Variants in SLC2A7 observed in about 807,000 individuals in gnomAD.
SLC2A7 encodes solute carrier family 2, facilitated glucose transporter member 7.
Under a neutral mutation model 50.5 loss-of-function variants are expected in SLC2A7, and 50 were observed. The ratio of observed to expected loss-of-function variants is 0.99; its 90% CI spans 0.79 to 1.25. The LOEUF (loss-of-function observed/expected upper bound fraction) is 1.25, where lower values mean the gene tolerates loss of function less well. Ranked by LOEUF, SLC2A7 falls within the 50% of genes most tolerant of loss-of-function variation. SLC2A7 has a pLI of 0.00. For missense variants in SLC2A7, 683 were observed against 679.1 expected (o/e 1.01, Z -0.06); for synonymous variants, 308 against 300.4 (o/e 1.03, Z -0.26).
chr1:9,025,702 C>A (rs1640988869), intron 1 of SLC2A7, among the ~76,000 whole-genome samples: 1 of 152,214 alleles, frequency 6.6e-6, no homozygotes, highest in African/African-American at 2.4e-5. Flanking sequence ...CGGCAGTCGC[C>A]TGTGCTCAGG....
chr1:8,992,812 T>C, the SLC2A7 span, among the ~76,000 whole-genome samples: 1 of 152,102 alleles, frequency 6.6e-6, no homozygotes, highest in African/African-American at 2.4e-5. Flanking sequence ...TGCCCTCAGG[T>C]GACCAATCCC....
intron 3 of SLC2A7, 150 bp from the exon 4 acceptor site, chr1:9,019,483 G>T: frequency 8.4e-7 from 1 of 1,187,000 alleles, no homozygotes; most frequent in South Asian, 1.6e-5. Flanking sequence ...ACTGAATGGT[G>T]TCCCCCAAAT....
At position 9,022,930 on chromosome 1, in the gene SLC2A7, T is replaced by A. The variant is rs199633115; in HGVS notation, c.299A>T (p.Asp100Val). The A allele has an allele frequency of 4.1e-5, 66 of 1,614,000 alleles. No homozygotes were observed. Among genetic ancestry groups the A allele is most frequent in the Non-Finnish European group, 5.2e-5 (61 of 1,179,966 alleles). Reference protein sequence around the residue: ...LGSLLVGLLVDSCGRKGTLLI... With the variant: ...LGSLLVGLLVVSCGRKGTLLI... ...ACCTTCTGTTTACCTGCCGCAGCTA[T>A]CAACCAGCAGGCCCACGAGCAATGA... The change falls in exon 3 of 12, where the codon GAT becomes GTT. Residue 100 changes from aspartate (D) to valine (V), a missense_variant. Asp to Val is a radical substitution (Grantham distance 152). Coordinates refer to ENST00000400906, the MANE Select transcript of SLC2A7 (RefSeq NM_207420.3).
At chr1:9,002,442 T>C (rs143511830), downstream of SLC2A7, among the ~76,000 whole-genome samples, 579 of 152,332 alleles carry the variant, frequency 3.8e-3, 6 homozygotes, top group African/African-American at 0.013. Flanking sequence ...TGCTCTTTAC[T>C]ACACTGAGAT....
chr1:9,011,996 C>T (rs541414375), intron 8 of SLC2A7, among the ~76,000 whole-genome samples: 6 of 152,094 alleles, frequency 3.9e-5, no homozygotes, highest in South Asian at 4.2e-4. Context: ...GTGATCCGCC[C>T]GCCTCAACCT....
chr1:9,019,992 C>A (rs1279181301), intron 3 of SLC2A7, among the ~76,000 whole-genome samples: 2 of 152,202 alleles, frequency 1.3e-5, no homozygotes, highest in Non-Finnish European at 2.9e-5. Context: ...AGAAAGAAGG[C>A]CCTCACCAGG....
chr1:9,009,527 G>A (rs1034820106), intron 9 of SLC2A7, among the ~76,000 whole-genome samples: 1 of 152,176 alleles, frequency 6.6e-6, no homozygotes. Flanking sequence ...TGCGATCATG[G>A]CTCACTGCAG....
Position 9,003,547 on chromosome 1 carries a change from G to C in SLC2A7, c.1321-29C>G, listed in dbSNP as rs749132381. On this transcript the variant is annotated intron_variant, in intron 11 of 11. Coordinates refer to ENST00000400906, the MANE Select transcript of SLC2A7 (RefSeq NM_207420.3). Reference sequence around the variant, plus strand: ...GACCAGGAGACGAGAAAGACAGGAGGGGGCAGAGAAAGGCAACAGTGCTGA... The same window carrying C: ...GACCAGGAGACGAGAAAGACAGGAGCGGGCAGAGAAAGGCAACAGTGCTGA... 6.3e-6 allele frequency: 10 copies of C among 1,599,972 alleles called. No individual in the cohort carries two copies. The African/African-American group carries it at 1.1e-4, about 17-fold the overall frequency.
Position 9,004,854 on chromosome 1 carries a change from G to C in SLC2A7, c.1218C>G (p.Thr406=), listed in dbSNP as rs139989195. ...GPSPVPSVVR[T]EIFLQSSRRA... The stretch of plus-strand genomic sequence containing the variant: ...GCCGGGAGGACTGCAGGAAGATCTC[G>C]GTCCTCACCACCGAGGGGACAGGAC... Residue 406 remains threonine, a synonymous_variant, in exon 11 of 12, where the codon ACC becomes ACG. Coordinates refer to ENST00000400906, the MANE Select transcript of SLC2A7 (RefSeq NM_207420.3). 3.7e-6 allele frequency: 6 copies of C among 1,613,808 alleles called. No homozygotes were observed. The highest frequency in any genetic ancestry group is 5.1e-6 in the Non-Finnish European group (6 of 1,179,914).
intron 1 of SLC2A7, among the ~76,000 whole-genome samples, 183 bp from the exon 2 acceptor site, chr1:9,025,257 C>T (rs1004687360): frequency 2.6e-5 from 4 of 152,156 alleles, no homozygotes; most frequent in African/African-American, 9.7e-5. Flanking sequence ...GGTCTCTGCA[C>T]GCATTCATTC....
chr1:8,995,404 C>T, the SLC2A7 span, among the ~76,000 whole-genome samples: 28 of 148,212 alleles, frequency 1.9e-4, no homozygotes, highest in African/African-American at 6.5e-4. Context: ...ACTGAGATCG[C>T]GCCACTGCAC....
chr1:9,019,033 A>C (rs1204466499), intron 4 of SLC2A7, among the ~76,000 whole-genome samples, 176 bp downstream of exon 4: 1 of 152,160 alleles, frequency 6.6e-6, no homozygotes, highest in Non-Finnish European at 1.5e-5. Flanking sequence ...AGATTAACTA[A>C]TTAATTAATT....
At chr1:9,004,324 C>A (rs1318706805) in intron 11 of SLC2A7, among the ~76,000 whole-genome samples, 1 of 72,476 alleles carries the variant, frequency 1.4e-5, no homozygotes, top group African/African-American at 6.3e-5. Context: ...CAGAGCAAGG[C>A]CCTGTCTAAA....
At position 9,007,373 on chromosome 1, in the gene SLC2A7, CG is replaced by C; in HGVS notation, c.1128del (p.Glu377SerfsTer28). On this transcript the variant is annotated frameshift_variant, in exon 10 of 12. Coordinates refer to ENST00000400906, the MANE Select transcript of SLC2A7 (RefSeq NM_207420.3). LOFTEE classifies it high-confidence loss of function. ...CAGATGATGCCGAGGTAGGACAGCT[CG>C]GGGACCCTGTTCTGTGGGGAGAGGC... ...TVVLLFQNRVPELSYLGIICV... is the reference protein window; with the variant it reads ...TVVLLFQNRVXELSYLGIICV... 1 of 1,614,124 alleles carries C rather than the reference CG, an allele frequency of 6.2e-7. No homozygotes were observed. Among genetic ancestry groups the C allele is most frequent in the East Asian group, 2.2e-5 (1 of 44,862 alleles).
chr1:9,023,835 C>CTTT (rs1557653846), intron 2 of SLC2A7, among the ~76,000 whole-genome samples: 855 of 65,930 alleles, frequency 0.013, 127 homozygotes, highest in Non-Finnish European at 0.015. Flanking sequence ...AAATATTCTT[C>CTTT]TTCTTTTTTT....
chr1:9,010,272 C>T (rs926377088), intron 8 of SLC2A7, 28 bp from the exon 9 acceptor site: 8 of 1,541,258 alleles, frequency 5.2e-6, no homozygotes, highest in Non-Finnish European at 7.0e-6. Flanking sequence ...CAGTGAGAAG[C>T]CGCCTTGGCC....
chr1:9,009,167 C>T (rs1640704101), intron 9 of SLC2A7, among the ~76,000 whole-genome samples: 1 of 152,222 alleles, frequency 6.6e-6, no homozygotes, highest in Non-Finnish European at 1.5e-5. Flanking sequence ...ATGAGCTCCT[C>T]ACACATTCTT....
chr1:9,000,335 T>A (rs1194752404), downstream of SLC2A7, among the ~76,000 whole-genome samples: 1 of 149,638 alleles, frequency 6.7e-6, no homozygotes, highest in Non-Finnish European at 1.5e-5. Flanking sequence ...AGGGGTGGTC[T>A]AGGCTGGGCA....
Position 9,025,147 on chromosome 1 carries a change from C to T in SLC2A7, c.52-73G>A, listed in dbSNP as rs534467448. The stretch of plus-strand genomic sequence containing the variant: ...GGAAGTGGAGTGGCTGGGCCTCCAC[C>T]TCCCTCCAGCCTGGGCTGGAAGTGG... On this transcript the variant is annotated intron_variant, in intron 1 of 11. Coordinates refer to ENST00000400906, the MANE Select transcript of SLC2A7 (RefSeq NM_207420.3). 127 of 1,452,920 alleles carry T rather than the reference C, an allele frequency of 8.7e-5. No homozygotes were observed. In the East Asian group the frequency reaches 2.0e-3, roughly 22 times the overall value. The allele number at this position is 1,452,920 out of a possible 1,614,324, so 90.0% of individuals were successfully genotyped here.
Sources: allele counts gnomAD v4.1 joint callset (sites outside exome capture counted in the v4.1 genomes callset), GRCh38; gene constraint gnomAD v4.1.1; transcripts MANE v1.5; gene names NCBI Gene and HGNC (gene_info 2026-07-23, HGNC 2026-07-21).